The following WDR36 variants were observed in gnomAD, a reference collection of about 807,000 sequenced individuals.
WDR36 encodes the protein WD repeat-containing protein 36.
A neutral mutation model predicts 112.7 loss-of-function variants in WDR36; 63 were observed. That is an observed-to-expected ratio of 0.56 (90% CI 0.46 to 0.69). The LOEUF (loss-of-function observed/expected upper bound fraction) is 0.69. Ranked by LOEUF, WDR36 falls within the 30% of genes least tolerant of loss-of-function variation. WDR36 has a pLI of 0.00. For missense variants in WDR36, 1,226 were observed against 1,070.3 expected, an observed-to-expected ratio of 1.15 and a Z score of -2.03; for synonymous variants, 410 against 362.2, an observed-to-expected ratio of 1.13 and a Z score of -1.50.
intron 2 of WDR36, among the ~76,000 whole-genome samples, chr5:111,095,429 G>T (rs567563660): frequency 6.6e-4 from 101 of 152,160 alleles, no homozygotes; most frequent in Non-Finnish European, 1.1e-3. Context: ...GTATGCACTG[G>T]GACTATGTAA....
Position 111,104,285 on chromosome 5 carries a change from T to C in WDR36, c.839T>C (p.Ile280Thr), listed in dbSNP as rs1344248176. The change falls in exon 8 of 23, where the codon ATT (isoleucine) becomes ACT (threonine). Residue 280 changes from isoleucine (I) to threonine (T), a missense_variant. Transcript: ENST00000513710. ...NQMRNAHSTA[I>T]AGLTFLHREP... is the part of the protein sequence containing the mutation. ...ATGAGAAATGCACACTCTACAGCAA[T>C]TGCCGGACTGACATTTCTCCATAGA... The C allele has an allele frequency of 5.0e-6, 8 of 1,612,192 alleles. No homozygotes were observed. Among genetic ancestry groups the C allele is most frequent in the Non-Finnish European group, 6.8e-6 (8 of 1,178,624 alleles).
At position 111,118,165 on chromosome 5, in the gene WDR36, C is replaced by T. The variant is rs144038965; in HGVS notation, c.1797-848C>T. On this transcript the variant is annotated intron_variant, in intron 16 of 22. Transcript: ENST00000513710. ...TGTTTGATATGTAAGACATTGTATG[C>T]AGCCTTATGCTTATGCTTAATGGTC... Among the ~76,000 whole-genome samples the T allele has an allele frequency of 2.0e-5, 3 of 152,288 alleles. No homozygotes were observed. In the East Asian group the frequency reaches 5.8e-4, roughly 29 times the overall value.
At chr5:111,095,104 A>G (rs1752947736) in intron 2 of WDR36, 157 bp downstream of exon 2, 1 of 683,040 alleles carries the variant, frequency 1.5e-6, no homozygotes, top group Non-Finnish European at 2.5e-6. Flanking sequence ...AGGATAAATC[A>G]TGTTTTGCTT....
At chr5:111,107,857 T>C (rs1259832368) in intron 12 of WDR36, among the ~76,000 whole-genome samples, 2 of 151,480 alleles carry the variant, frequency 1.3e-5, no homozygotes, top group Non-Finnish European at 3.0e-5. Context: ...TCTGTTCTTA[T>C]ACCAGTACCA....
At position 111,104,752 on chromosome 5, in the gene WDR36, G is replaced by A; in HGVS notation, c.962G>A (p.Gly321Asp). 1.9e-6 allele frequency: 3 copies of A among 1,611,408 alleles called. No individual in the cohort carries two copies. Among genetic ancestry groups the A allele is most frequent in the Non-Finnish European group, 2.5e-6 (3 of 1,178,026 alleles). ...GEGRLLRFRM[G>D]HSAPLTNIRY... ...GGCCGACTTTTGAGATTCAGAATGG[G>A]TCATAGTGCTCCTCTTACCAATATC... is the stretch of plus-strand genomic sequence containing the variant. The change falls in exon 9 of 23, where the codon GGT becomes GAT. Residue 321 changes from glycine to aspartate, a missense_variant. Transcript: ENST00000513710.
chr5:111,096,490 G>C (rs1752983054), intron 2 of WDR36, among the ~76,000 whole-genome samples: 1 of 152,142 alleles, frequency 6.6e-6, no homozygotes, highest in South Asian at 2.1e-4. Context: ...GATCACCTGA[G>C]GTCAGGAGTT....
intron 1 of WDR36, among the ~76,000 whole-genome samples, chr5:111,093,011 A>G (rs1449118067): frequency 6.6e-6 from 1 of 152,270 alleles, no homozygotes; most frequent in Admixed American, 6.5e-5. Context: ...TGAGTTAGAA[A>G]TTCACTCTAG....
chr5:111,126,538 T>G (rs1201157106), intron 22 of WDR36, among the ~76,000 whole-genome samples, 196 bp from the exon 23 acceptor site: 2 of 152,046 alleles, frequency 1.3e-5, no homozygotes, highest in East Asian at 3.9e-4. Context: ...ACCAAGGAAG[T>G]CACAGTATCA....
Position 111,104,881 on chromosome 5 carries a change from G to A in WDR36, c.1027+64G>A, listed in dbSNP as rs576463443. On this transcript the variant is annotated intron_variant, in intron 9 of 22. Transcript: ENST00000513710. ...GTATTGAGATGTGGGTGCCCAGTAT[G>A]AGGTTTGATATTTACACATACTTAG... 26 of 1,604,540 alleles carry A rather than the reference G, an allele frequency of 1.6e-5. No individual in the cohort carries two copies. In the East Asian group the frequency reaches 4.9e-4, roughly 30 times the overall value.
intron 18 of WDR36, 98 bp downstream of exon 18, chr5:111,120,691 A>C (rs945162061): frequency 6.8e-6 from 7 of 1,022,392 alleles, no homozygotes; most frequent in African/African-American, 6.3e-5. Context: ...CATTCAATCA[A>C]AGTGTTTTTT....
chr5:111,093,702 C>G (rs1752916226), intron 1 of WDR36, among the ~76,000 whole-genome samples: 1 of 152,178 alleles, frequency 6.6e-6, no homozygotes, highest in South Asian at 2.1e-4. Context: ...ACTGAAATAA[C>G]TCTTGAAATC....
rs118204022 is a variant in WDR36 at position 111,104,342 on chromosome 5, A to G, written c.896A>G (p.Asn299Ser). Residue 299 changes from asparagine (N) to serine (S), a missense_variant, in exon 8 of 23, where the codon AAT (asparagine) becomes AGT (serine). By Grantham distance (46) the Asn-to-Ser change is conservative. Transcript: ENST00000513710. ...EPLLVTNGAD[N>S]ALRIWIFDGP... Reference sequence around the variant, plus strand: ...CTTCTTGTCACAAATGGCGCTGACAATGCTCTTAGGGTATTATGATTATTG... The same window carrying G: ...CTTCTTGTCACAAATGGCGCTGACAGTGCTCTTAGGGTATTATGATTATTG... 827 of 1,611,622 alleles carry G rather than the reference A, an allele frequency of 5.1e-4. No homozygotes were observed. The highest frequency in any genetic ancestry group is 6.6e-4 in the Non-Finnish European group (772 of 1,178,306).
intron 16 of WDR36, 56 bp from the exon 17 acceptor site, chr5:111,118,952 TGTGAA>T: frequency 1.4e-6 from 2 of 1,386,846 alleles, no homozygotes; most frequent in Non-Finnish European, 2.1e-6. Flanking sequence ...AAAATATTTT[TGTGAA>T]TTATCTCCTT....
rs886059776 is a variant in WDR36 at position 111,128,658 on chromosome 5, A to T, written c.*1775A>T. 1 of 182,056 alleles carries T rather than the reference A, an allele frequency of 5.5e-6. No homozygotes were observed. The highest frequency in any genetic ancestry group is 1.2e-5 in the Non-Finnish European group (1 of 85,378). 11.3% of individuals were successfully genotyped at this position (182,056 alleles called of 1,614,324 possible). The stretch of plus-strand genomic sequence containing the variant: ...TTCTCTTTTTAAAGTGAGCATAAAG[A>T]CTTAAGTGTATTGTTACCAGAGATA... On this transcript the variant is annotated 3_prime_UTR_variant, in exon 23 of 23. Transcript: ENST00000513710.
intron 16 of WDR36, among the ~76,000 whole-genome samples, chr5:111,118,532 A>C (rs1370032778): frequency 6.6e-6 from 1 of 152,180 alleles, no homozygotes; most frequent in Non-Finnish European, 1.5e-5. Context: ...AAATAGGTAC[A>C]GTTGCTCAAA....
At chr5:111,119,828 T>A (rs1388943147) in intron 17 of WDR36, among the ~76,000 whole-genome samples, 1 of 152,166 alleles carries the variant, frequency 6.6e-6, no homozygotes, top group Non-Finnish European at 1.5e-5. Flanking sequence ...GAGTATGTTT[T>A]AGAATCCATG....
In WDR36 at chr5:111,120,530, C is replaced by A. The variant is rs199938968; in HGVS notation, c.1939C>A (p.Arg647=). The A allele has an allele frequency of 6.2e-7, 1 of 1,612,896 alleles. No homozygotes were observed. Among genetic ancestry groups the A allele is most frequent in the Admixed American group, 1.7e-5 (1 of 59,988 alleles). ...TTCCCTGTATTCAGTTGTTTCATTACGGCCACTTCCTGCAGATTATGTCCC... is the reference window on the plus strand; with the variant it reads ...TTCCCTGTATTCAGTTGTTTCATTAAGGCCACTTCCTGCAGATTATGTCCC... ...NISLYSVVSL[R]PLPADYVPSI... Residue 647 remains arginine (R), a synonymous_variant, in exon 18 of 23, where the codon CGG becomes AGG. Coordinates refer to ENST00000513710, the MANE Select transcript of WDR36 (RefSeq NM_139281.3).
intron 12 of WDR36, among the ~76,000 whole-genome samples, 175 bp downstream of exon 12, chr5:111,107,614 G>A (rs373236872): frequency 2.0e-5 from 3 of 151,442 alleles, no homozygotes; most frequent in East Asian, 1.9e-4. Context: ...GAGTTTTCTA[G>A]TTTTAGCTCT....
intron 1 of WDR36, 116 bp downstream of exon 1, chr5:111,092,734 C>T (rs953060428): frequency 1.2e-5 from 15 of 1,209,518 alleles, no homozygotes; most frequent in Admixed American, 5.9e-5. Flanking sequence ...TTCTTTAACC[C>T]CTCCCTGTCC....
Sources: allele counts gnomAD v4.1 joint callset (sites outside exome capture counted in the v4.1 genomes callset), GRCh38; gene constraint gnomAD v4.1.1; transcripts MANE v1.5; gene names NCBI Gene and HGNC (gene_info 2026-07-23, HGNC 2026-07-21).